AGL: variants seen among roughly 807,000 people sequenced by gnomAD.
The protein encoded by AGL is amylo-alpha-1,6-glucosidase and 4-alpha-glucanotransferase.
AGL carries 128 observed loss-of-function variants against 199.3 expected under a neutral mutation model. The ratio of observed to expected loss-of-function variants is 0.64; its 90% confidence interval spans 0.56 to 0.74. The LOEUF (loss-of-function observed/expected upper bound fraction) is 0.74. AGL is among the 30% of genes least tolerant of loss of function. The pLI is 0.00. For missense variants in AGL, 1,809 were observed against 1,820.8 expected (o/e 0.99, Z 0.12); for synonymous variants, 584 against 594.7 (o/e 0.98, Z 0.26).
At position 99,913,740 on chromosome 1, in the gene AGL, T is replaced by C; in HGVS notation, c.4161+2T>C. ...AATTTTACCATAGCAATGGTTGTGGTAGGTGATTCGTTTGTAAAAACATTT... is the reference window on the plus strand; with the variant it reads ...AATTTTACCATAGCAATGGTTGTGGCAGGTGATTCGTTTGTAAAAACATTT... On this transcript the variant is annotated splice_donor_variant, in intron 30 of 33. Transcript: ENST00000361915. LOFTEE classifies it high-confidence loss of function. 1 of 1,613,282 alleles carries C rather than the reference T, an allele frequency of 6.2e-7. No individual in the cohort carries two copies. Among genetic ancestry groups the C allele is most frequent in the South Asian group, 1.1e-5 (1 of 91,070 alleles).
chr1:99,870,553 C>G lies in AGL; in HGVS notation c.818C>G (p.Ala273Gly), dbSNP rs943273443. The G allele has an allele frequency of 2.5e-6, 4 of 1,613,832 alleles. No individual in the cohort carries two copies. Among genetic ancestry groups the G allele is most frequent in the Non-Finnish European group, 3.4e-6 (4 of 1,179,972 alleles). ...AAATACAAAGAAAAGGGAATACCTGCTTTGATTGAAAATGATCACCATATG... is the reference window on the plus strand; with the variant it reads ...AAATACAAAGAAAAGGGAATACCTGGTTTGATTGAAAATGATCACCATATG... The part of the protein sequence containing the change: ...EGKYKEKGIP[A>G]LIENDHHMNS... The change falls in exon 6 of 34, where the codon GCT becomes GGT. Residue 273 changes from alanine to glycine, a missense_variant. By Grantham distance (60) the Ala-to-Gly change is moderately conservative. Transcript: ENST00000361915.
rs1329968267 is a variant in AGL at position 99,922,176 on chromosome 1, C to T, written c.*525C>T. On this transcript the variant is annotated 3_prime_UTR_variant, in exon 34 of 34. Coordinates refer to ENST00000361915, the MANE Select transcript of AGL (RefSeq NM_000642.3). Reference sequence around the variant, plus strand: ...CTACAATATATGTTCCTAAATGGAGCACAGATGTTCAAACTATGCTTTCAT... The same window carrying T: ...CTACAATATATGTTCCTAAATGGAGTACAGATGTTCAAACTATGCTTTCAT... 1.3e-5 allele frequency: 2 copies of T among 151,752 alleles called. No homozygotes were observed. Among genetic ancestry groups the T allele is most frequent in the Non-Finnish European group, 2.9e-5 (2 of 67,850 alleles). The allele number at this position is 151,752 out of a possible 1,614,324, so 9.4% of individuals were successfully genotyped here.
Position 99,874,818 on chromosome 1 carries a change from A to T in AGL, c.1082+8A>T, listed in dbSNP as rs1375533728. 1.2e-6 allele frequency: 2 copies of T among 1,613,292 alleles called. No individual in the cohort carries two copies. Among genetic ancestry groups the T allele is most frequent in the Non-Finnish European group, 1.7e-6 (2 of 1,179,354 alleles). On this transcript the variant is annotated splice_region_variant and intron_variant, in intron 8 of 33. Transcript: ENST00000361915. ...GACTTTCATACCACATGAGTATGTA[A>T]TGTGTTTTTTTCTGTGAAATAATAA...
chr1:99,916,255 T>A (rs558071707), intron 31 of AGL, among the ~76,000 whole-genome samples, 155 bp from the exon 32 acceptor site: 6 of 152,290 alleles, frequency 3.9e-5, no homozygotes, highest in Admixed American at 3.9e-4. Context: ...TGTACTAATT[T>A]AAGGTTAGAT....
At chr1:99,857,529 A>C (rs1485035240) in intron 2 of AGL, among the ~76,000 whole-genome samples, 2 of 152,022 alleles carry the variant, frequency 1.3e-5, no homozygotes, top group Non-Finnish European at 2.9e-5. Flanking sequence ...AACATTGAGC[A>C]CTGAGTGAAT....
Position 99,913,541 on chromosome 1 carries a change from GT to G in AGL, c.3965del (p.Val1322AlafsTer27), listed in dbSNP as rs113994132. ...TVKRHGKAIK[V>X]SYDEWNRKIQ... ...TCATTTTTCAGGAAAGGCTATAAAG[GT>G]CTCATATGATGAGTGGAACAGAAAA... On this transcript the variant is annotated frameshift_variant, in exon 30 of 34. Coordinates refer to ENST00000361915, the MANE Select transcript of AGL (RefSeq NM_000642.3). LOFTEE classifies it high-confidence loss of function. 74 of 1,613,098 alleles carry G rather than the reference GT, an allele frequency of 4.6e-5. No homozygotes were observed. The highest frequency in any genetic ancestry group is 5.9e-5 in the Non-Finnish European group (70 of 1,179,440).
At chr1:99,880,958 A>C (rs1651965449) in intron 14 of AGL, 118 bp from the exon 15 acceptor site, 3 of 1,242,502 alleles carry the variant, frequency 2.4e-6, no homozygotes, top group Non-Finnish European at 3.5e-6. Context: ...GTTTAAAAGC[A>C]AATTAATTTA....
chr1:99,913,840 T>A, intron 30 of AGL, 102 bp downstream of exon 30: 1 of 1,115,646 alleles, frequency 9.0e-7, no homozygotes, highest in Non-Finnish European at 1.4e-6. Context: ...TGCTAAAAAG[T>A]AGTATATTGC....
chr1:99,882,211 A>G (rs1652098169), intron 17 of AGL, among the ~76,000 whole-genome samples: 1 of 152,118 alleles, frequency 6.6e-6, no homozygotes, highest in African/African-American at 2.4e-5. Context: ...CCTAGACAGA[A>G]ATACTTTCAA....
At chr1:99,865,140 T>C (rs1314475512) in intron 5 of AGL, among the ~76,000 whole-genome samples, 1 of 152,024 alleles carries the variant, frequency 6.6e-6, no homozygotes, top group African/African-American at 2.4e-5. Flanking sequence ...TGCTCAGTTA[T>C]CAGATAAAAA....
chr1:99,876,425 G>T (rs772995196), intron 10 of AGL, 33 bp from the exon 11 acceptor site: 13 of 1,454,180 alleles, frequency 8.9e-6, no homozygotes, highest in Non-Finnish European at 1.2e-5. Context: ...GAGTTTCTTT[G>T]TATGGATTTA....
rs1444839064 is a variant in AGL, at chr1:99,896,292, C to T, written c.3266C>T (p.Pro1089Leu). The T allele has an allele frequency of 1.2e-6, 2 of 1,613,052 alleles. No homozygotes were observed. The highest frequency in any genetic ancestry group is 1.7e-6 in the Non-Finnish European group (2 of 1,179,350). Reference protein sequence around the residue: ...QCCVSLAAGLPHFSSGIFRCW... With the variant: ...QCCVSLAAGLLHFSSGIFRCW... The stretch of plus-strand genomic sequence containing the variant: ...GTTGTGTTTTTTTTGTTAGGCTTAC[C>T]TCATTTTTCTTCTGGTATTTTCCGC... Residue 1089 changes from proline to leucine, a missense_variant, in exon 25 of 34, where the codon CCT becomes CTT. Coordinates refer to ENST00000361915, the MANE Select transcript of AGL (RefSeq NM_000642.3).
chr1:99,866,950 C>T (rs1650568658), intron 5 of AGL, among the ~76,000 whole-genome samples: 1 of 152,066 alleles, frequency 6.6e-6, no homozygotes, highest in African/African-American at 2.4e-5. Flanking sequence ...TCCCAAGTAG[C>T]TGGGATTACA....
At chr1:99,862,996 A>G (rs686654) in intron 4 of AGL, among the ~76,000 whole-genome samples, 4,575 of 151,990 alleles carry the variant, frequency 0.03, 227 homozygotes, top group African/African-American at 0.1. Flanking sequence ...GTAGGCTGCA[A>G]TGGTGCGATC....
At position 99,861,289 on chromosome 1, in the gene AGL, G is replaced by A. The variant is rs548449344; in HGVS notation, c.83-214G>A. ...GGGAAGGAGAAAGAGACATTACAGAGCAGACAGCTCTATGATGTTTACTAT... is the reference window on the plus strand; with the variant it reads ...GGGAAGGAGAAAGAGACATTACAGAACAGACAGCTCTATGATGTTTACTAT... On this transcript the variant is annotated intron_variant, in intron 2 of 33. Transcript: ENST00000361915. 5.6e-4 allele frequency: 786 copies of A among 1,409,996 alleles called. 13 individuals carry two copies. The South Asian group carries it at 0.011, about 20-fold the overall frequency. The allele number at this position is 1,409,996 out of a possible 1,614,324, so 87.3% of individuals were successfully genotyped here.
intron 2 of AGL, among the ~76,000 whole-genome samples, chr1:99,857,847 A>AGACCGTGGGGAGGGGGAGGGGGT (rs1557743553): frequency 1.2e-4 from 1 of 8,220 alleles, no homozygotes; most frequent in African/African-American, 4.8e-4. Context: ...GGGGAGGGGG[A>AGACCGTGGGGAGGGGGAGGGGGT]GGGGGGAAGA....
chr1:99,898,734 G>C (rs958060168), intron 25 of AGL, among the ~76,000 whole-genome samples: 1 of 152,126 alleles, frequency 6.6e-6, no homozygotes, highest in African/African-American at 2.4e-5. Flanking sequence ...CAAGCAGAGA[G>C]GGAAAGAGAG....
At chr1:99,867,046 C>T (rs1447124831) in intron 5 of AGL, among the ~76,000 whole-genome samples, 1 of 151,988 alleles carries the variant, frequency 6.6e-6, no homozygotes, top group East Asian at 1.9e-4. Context: ...CTTGAACTCC[C>T]GACCTCAAGT....
chr1:99,851,952 T>C (rs17121319), intron 2 of AGL, among the ~76,000 whole-genome samples: 6,518 of 152,260 alleles, frequency 0.043, 260 homozygotes, highest in African/African-American at 0.096. Context: ...CGCGCCTTTT[T>C]CCAACTTTGG....
Sources: gnomAD v4.1 joint callset for allele counts (sites outside exome capture counted in the v4.1 genomes callset) on GRCh38, gnomAD v4.1.1 for gene constraint, MANE v1.5 for transcripts, NCBI Gene and HGNC (gene_info 2026-07-23, HGNC 2026-07-21) for gene names.